Variants in SPAG8 observed in about 807,000 individuals in gnomAD.
SPAG8 encodes the protein sperm-associated antigen 8.
SPAG8 carries 36 observed loss-of-function variants against 45.3 expected under a neutral mutation model. That is an observed-to-expected ratio of 0.80 (90% CI 0.61 to 1.05). SPAG8 has a LOEUF of 1.05. SPAG8 is among the 50% of genes least tolerant of loss of function. The pLI, the probability that SPAG8 is intolerant of heterozygous loss-of-function variation, is 0.00. For synonymous variants in SPAG8, 227 were observed against 232.6 expected, an observed-to-expected ratio of 0.98 and a Z score of 0.22; for missense variants, 573 against 609.2, an observed-to-expected ratio of 0.94 and a Z score of 0.63.
At chr9:35,807,960 T>C, downstream of SPAG8, 1 of 568,712 alleles carries the variant, frequency 1.8e-6, no homozygotes, top group Non-Finnish European at 3.1e-6. Context: ...CCTAACATTG[T>C]TTGGCATGTG....
downstream of SPAG8, chr9:35,808,493 T>TC: frequency 6.2e-7 from 1 of 1,613,292 alleles, no homozygotes. This position sits in a 1 kb window ranked among gnomAD's most constrained non-coding sequence, Gnocchi z 4.0. Flanking sequence ...GACCTTTTAA[T>TC]CCCCCTCTCA....
At position 35,811,173 on chromosome 9, in the gene SPAG8, C is replaced by G; in HGVS notation, c.864+9G>C. The G allele has an allele frequency of 6.4e-7, 1 of 1,558,994 alleles. No homozygotes were observed. The highest frequency in any genetic ancestry group is 8.7e-7 in the Non-Finnish European group (1 of 1,153,862). On this transcript the variant is annotated intron_variant, in intron 2 of 6. Coordinates refer to ENST00000396638, the MANE Select transcript of SPAG8 (RefSeq NM_001039592.2). The stretch of plus-strand genomic sequence containing the variant: ...TTCAAGAAAAGGGAGCAGGCCAAAA[C>G]TTTAATACCTCTTCCTCCCAGTTGT...
chr9:35,810,182 CA>C (rs1244452927), intron 6 of SPAG8, 50 bp from the exon 7 acceptor site: 2 of 1,608,770 alleles, frequency 1.2e-6, no homozygotes, highest in African/African-American at 2.7e-5. Context: ...CAAGCCAGAA[CA>C]AAACAACTCT....
In SPAG8 at chr9:35,809,940, A is replaced by G; in HGVS notation, c.1456T>C (p.Ter486ArgextTer25). Residue 486 changes from the stop codon to arginine (R), a stop_lost, in exon 7 of 7, where the codon TGA (stop) becomes CGA (arginine). Coordinates refer to ENST00000396638, the MANE Select transcript of SPAG8 (RefSeq NM_001039592.2). The surrounding 1 kb of genome is among the most constrained non-coding windows in gnomAD (Gnocchi z 4.1). ...GGGGGRMTPF[*>R] ...TACCCCACTTCCCTCCTCACCCCTC[A>G]GAAAGGAGTCATTCTCCCCCCTCCA... The G allele has an allele frequency of 6.4e-7, 1 of 1,571,628 alleles. No homozygotes were observed. The highest frequency in any genetic ancestry group is 1.2e-5 in the South Asian group (1 of 82,680).
intron 3 of SPAG8, 85 bp downstream of exon 3, chr9:35,810,798 G>A: frequency 2.5e-6 from 4 of 1,594,692 alleles, no homozygotes; most frequent in Non-Finnish European, 3.4e-6. Context: ...ATCCACTGGA[G>A]AATCCACAGC....
At chr9:35,812,034 A>C (rs376036525) in intron 1 of SPAG8, 33 bp from the exon 2 acceptor site, 1 of 1,609,146 alleles carries the variant, frequency 6.2e-7, no homozygotes, top group Non-Finnish European at 8.5e-7. Context: ...TGGCTGTCAA[A>C]AGCGCAGCAG....
At position 35,811,400 on chromosome 9, in the gene SPAG8, C is replaced by A; in HGVS notation, c.646G>T (p.Gly216Trp). ...CGATCTGCCACCAGGTTTCTGAACC[C>A]TGGAGGAATACAGGGGCTGAGCTCA... is the stretch of plus-strand genomic sequence containing the variant. ...DSELSPCIPPGFRNLVADRVP... is the reference protein window; with the variant it reads ...DSELSPCIPPWFRNLVADRVP... Residue 216 changes from glycine to tryptophan, a missense_variant, in exon 2 of 7, where the codon GGG (glycine) becomes TGG (tryptophan). Gly to Trp is a radical substitution (Grantham distance 184, BLOSUM62 -2). Coordinates refer to ENST00000396638, the MANE Select transcript of SPAG8 (RefSeq NM_001039592.2). 3 of 1,614,158 alleles carry A rather than the reference C, an allele frequency of 1.9e-6. No homozygotes were observed. Among genetic ancestry groups the A allele is most frequent in the Non-Finnish European group, 2.5e-6 (3 of 1,180,028 alleles).
At chr9:35,812,047 G>T in intron 1 of SPAG8, 46 bp from the exon 2 acceptor site, 1 of 1,609,314 alleles carries the variant, frequency 6.2e-7, no homozygotes, top group Non-Finnish European at 8.5e-7. Context: ...CGCAGCAGAG[G>T]AAGTCAGCTG....
At chr9:35,809,720 G>A, downstream of SPAG8, 4 of 1,284,426 alleles carry the variant, frequency 3.1e-6, no homozygotes, top group Non-Finnish European at 4.4e-6. This position sits in a 1 kb window ranked among gnomAD's most constrained non-coding sequence, Gnocchi z 4.1. Flanking sequence ...AATAAAAAAA[G>A]TTCTGATGTC....
Position 35,811,435 on chromosome 9 carries a change from C to T in SPAG8, c.611G>A (p.Gly204Asp), listed in dbSNP as rs368109013. The T allele has an allele frequency of 1.2e-6, 2 of 1,614,146 alleles. No homozygotes were observed. The highest frequency in any genetic ancestry group is 1.7e-4 in the Middle Eastern group (1 of 6,060). The change falls in exon 2 of 7, where the codon GGC (glycine) becomes GAC (aspartate). Residue 204 changes from glycine to aspartate, a missense_variant. Coordinates refer to ENST00000396638, the MANE Select transcript of SPAG8 (RefSeq NM_001039592.2). ...ACAGGGGCTGAGCTCAGAGTCAGGG[C>T]CAGTGTCTGGACCAGGCCCAGAGGC... ...GPASGPGPDT[G>D]PDSELSPCIP...
chr9:35,808,755 G>T, downstream of SPAG8: 1 of 1,613,332 alleles, frequency 6.2e-7, no homozygotes, highest in Non-Finnish European at 8.5e-7. The surrounding 1 kb of genome is among the most constrained non-coding windows in gnomAD (Gnocchi z 4.0). Context: ...CTTCTCAAAG[G>T]GCCAGTCTGT....
chr9:35,810,131 C>A lies in SPAG8; in HGVS notation c.1265G>T (p.Gly422Val), dbSNP rs763749554. The A allele has an allele frequency of 1.4e-5, 22 of 1,609,468 alleles. No individual in the cohort carries two copies. The highest frequency in any genetic ancestry group is 3.4e-6 in the Non-Finnish European group (4 of 1,176,696). ...FWIQRAPQLPGVSNIRTLDTP... is the reference protein window; with the variant it reads ...FWIQRAPQLPVVSNIRTLDTP... ...GTCCAATGTCCTGATGTTACTGACA[C>A]CCTGGAGGAGTGCCAGGATGAGGAT... Residue 422 changes from glycine (G) to valine (V), a missense_variant and splice_region_variant, in exon 7 of 7, where the codon GGT (glycine) becomes GTT (valine). Gly to Val is a moderately radical substitution (Grantham distance 109). Transcript: ENST00000396638.
chr9:35,811,446 AC>A lies in SPAG8; in HGVS notation c.599del (p.Gly200ValfsTer52), dbSNP rs1382730194. On this transcript the variant is annotated frameshift_variant, in exon 2 of 7. Coordinates refer to ENST00000396638, the MANE Select transcript of SPAG8 (RefSeq NM_001039592.2). LOFTEE classifies it high-confidence loss of function. Reference protein sequence around the residue: ...GSHPGPASGPGPDTGPDSELS... With the variant: ...GSHPGPASGPXPDTGPDSELS... ...GCTCAGAGTCAGGGCCAGTGTCTGG[AC>A]CAGGCCCAGAGGCAGGACCAGGATG... is the stretch of plus-strand genomic sequence containing the variant. The A allele has an allele frequency of 2.5e-6, 4 of 1,613,758 alleles. No individual in the cohort carries two copies. The highest frequency in any genetic ancestry group is 2.5e-6 in the Non-Finnish European group (3 of 1,179,884).
chr9:35,808,481 G>GTGACCTTT (rs1563993593), downstream of SPAG8: 1 of 1,612,254 alleles, frequency 6.2e-7, no homozygotes, highest in East Asian at 2.2e-5. The surrounding 1 kb of genome is among the most constrained non-coding windows in gnomAD (Gnocchi z 4.0). Flanking sequence ...ATAAATAGAG[G>GTGACCTTT]TGACCTTTTA....
At chr9:35,808,819 G>A, downstream of SPAG8, 1 of 1,611,802 alleles carries the variant, frequency 6.2e-7, no homozygotes, top group South Asian at 1.1e-5. This position sits in a 1 kb window ranked among gnomAD's most constrained non-coding sequence, Gnocchi z 4.0. Context: ...GAGACACAGT[G>A]AACACTGCTT....
rs776741509 is a variant in SPAG8 at position 35,811,534 on chromosome 9, G to C, written c.512C>G (p.Ser171Cys). Residue 171 changes from serine to cysteine, a missense_variant, in exon 2 of 7, where the codon TCT becomes TGT. Physicochemically the swap from Ser to Cys is moderately radical, Grantham distance 112. Coordinates refer to ENST00000396638, the MANE Select transcript of SPAG8 (RefSeq NM_001039592.2). ...AGAGCCAGGACCAGGACCAGAGCCA[G>C]AGCCAGGGACAGAGCCACAGCCAGG... ...SGPGCGSVPG[S>C]GSGPGPGSGP... 7 of 1,606,612 alleles carry C rather than the reference G, an allele frequency of 4.4e-6. No homozygotes were observed. In the African/African-American group the frequency reaches 8.1e-5, roughly 18 times the overall value.
chr9:35,811,137 T>C, intron 2 of SPAG8, 45 bp downstream of exon 2: 1 of 1,558,904 alleles, frequency 6.4e-7, no homozygotes, highest in Non-Finnish European at 8.7e-7. Flanking sequence ...CCTAAGAAAC[T>C]GAGGGCAGCC....
Position 35,809,808 on chromosome 9 carries a change from A to T in SPAG8, c.*130T>A. The T allele has an allele frequency of 1.3e-6, 2 of 1,548,860 alleles. No homozygotes were observed. The highest frequency in any genetic ancestry group is 1.7e-6 in the Non-Finnish European group (2 of 1,156,852). On this transcript the variant is annotated 3_prime_UTR_variant, in exon 7 of 7. Coordinates refer to ENST00000396638, the MANE Select transcript of SPAG8 (RefSeq NM_001039592.2). This position sits in a 1 kb window ranked among gnomAD's most constrained non-coding sequence, Gnocchi z 4.1. ...TGACTCACAGAATCACTAAATTAGC[A>T]GTCTTGGGATGAGAGAGAACCCTTT...
chr9:35,810,021 G>T lies in SPAG8; in HGVS notation c.1375C>A (p.Pro459Thr), dbSNP rs772599878. 6.2e-7 allele frequency: 1 copy of T among 1,613,594 alleles called. No homozygotes were observed. Among genetic ancestry groups the T allele is most frequent in the South Asian group, 1.1e-5 (1 of 90,990 alleles). Residue 459 changes from proline to threonine, a missense_variant, in exon 7 of 7, where the codon CCC becomes ACC. Coordinates refer to ENST00000396638, the MANE Select transcript of SPAG8 (RefSeq NM_001039592.2). ...KLLPYEPENY[P>T]YQLGEISSLP... The stretch of plus-strand genomic sequence containing the variant: ...GAAGATATTTCTCCCAATTGGTAGG[G>T]GTAATTCTCAGGTTCATAGGGCAAA...
Sources: allele counts gnomAD v4.1 joint callset, GRCh38; gene constraint gnomAD v4.1.1; non-coding constraint Gnocchi (gnomAD v3.1); transcripts MANE v1.5; gene names NCBI Gene and HGNC (gene_info 2026-07-23, HGNC 2026-07-21).